KIAA1328: variants seen among roughly 807,000 people sequenced by gnomAD.
The protein encoded by KIAA1328 is protein hinderin.
A neutral mutation model predicts 68.1 loss-of-function variants in KIAA1328; 52 were observed. That is an observed-to-expected ratio of 0.76 (90% confidence interval 0.61 to 0.96). KIAA1328 has a LOEUF of 0.96. KIAA1328 is among the 40% of genes least tolerant of loss of function. The pLI is 0.00. For missense variants in KIAA1328, 641 were observed against 677.6 expected (o/e 0.95, Z 0.60); for synonymous variants, 232 against 239.4 (o/e 0.97, Z 0.28).
At chr18:37,102,746 A>G (rs1474662562) in intron 7 of KIAA1328, among the ~76,000 whole-genome samples, 1 of 152,190 alleles carries the variant, frequency 6.6e-6, no homozygotes, top group Non-Finnish European at 1.5e-5. Flanking sequence ...AAGCAAGAGA[A>G]AGAAAGAAAA....
At chr18:36,992,321 A>G (rs964782887) in intron 6 of KIAA1328, among the ~76,000 whole-genome samples, 1 of 152,138 alleles carries the variant, frequency 6.6e-6, no homozygotes, top group African/African-American at 2.4e-5. Context: ...CCTCCAAGGC[A>G]TAAAATATTC....
At chr18:37,095,651 G>A (rs184632738) in intron 7 of KIAA1328, among the ~76,000 whole-genome samples, 2 of 152,138 alleles carry the variant, frequency 1.3e-5, no homozygotes, top group Non-Finnish European at 2.9e-5. Flanking sequence ...TAATAAAGAT[G>A]ACAACAGAAC....
chr18:37,046,996 A>C (rs758235439), intron 6 of KIAA1328, among the ~76,000 whole-genome samples: 9 of 152,122 alleles, frequency 5.9e-5, no homozygotes, highest in African/African-American at 9.7e-5. Context: ...GCTGGGTGTG[A>C]TGGCACATGC....
At chr18:37,184,890 G>A (rs555083134) in intron 9 of KIAA1328, among the ~76,000 whole-genome samples, 56 of 152,244 alleles carry the variant, frequency 3.7e-4, no homozygotes, top group Middle Eastern at 3.4e-3. Context: ...TTGGCCAGGC[G>A]TGGTGGCTCA....
chr18:36,862,107 C>CATGT (rs1182985482), intron 4 of KIAA1328, among the ~76,000 whole-genome samples: 1 of 141,736 alleles, frequency 7.1e-6, no homozygotes, highest in Non-Finnish European at 1.5e-5. Context: ...AGAGAAAGCC[C>CATGT]ATGTACCTTT....
chr18:36,940,877 T>A (rs1395366826), intron 5 of KIAA1328, among the ~76,000 whole-genome samples: 2 of 152,088 alleles, frequency 1.3e-5, no homozygotes, highest in African/African-American at 4.8e-5. Context: ...GGTTTCACCA[T>A]GTTAGCCAGG....
At chr18:37,113,683 T>C (rs558077935) in intron 7 of KIAA1328, among the ~76,000 whole-genome samples, 13 of 152,164 alleles carry the variant, frequency 8.5e-5, no homozygotes, top group Non-Finnish European at 1.6e-4. Flanking sequence ...GTAAATGGGC[T>C]AAATGCTCCA....
In KIAA1328 at chr18:37,224,670, G is replaced by T; in HGVS notation, c.*2443G>T. On this transcript the variant is annotated 3_prime_UTR_variant, in exon 10 of 10. Transcript: ENST00000280020. ...AAAGCTGTTGCAGACTATCCCAAGA[G>T]AAAGGATCTGGCACAAAGGAATCTG... The T allele has an allele frequency of 1.0e-6, 1 of 985,418 alleles. No homozygotes were observed. Among genetic ancestry groups the T allele is most frequent in the Non-Finnish European group, 1.2e-6 (1 of 829,934 alleles). 61.0% of individuals were successfully genotyped at this position (985,418 alleles called of 1,614,324 possible). A position where few individuals can be genotyped will look rare whatever the true frequency, so the allele number is the denominator to read the frequency against.
intron 6 of KIAA1328, among the ~76,000 whole-genome samples, chr18:37,053,521 A>G (rs938538260): frequency 6.6e-5 from 10 of 152,342 alleles, no homozygotes; most frequent in African/African-American, 2.2e-4. Context: ...CTGCACAGCA[A>G]AAGAAACTAT....
intron 5 of KIAA1328, among the ~76,000 whole-genome samples, chr18:36,912,361 C>G (rs78378413): frequency 0.027 from 4,077 of 152,242 alleles, 79 homozygotes; most frequent in Middle Eastern, 0.054. Context: ...TCCTTGGCTC[C>G]TGGCTCTGTA....
chr18:36,934,531 A>G (rs2050430762), intron 5 of KIAA1328, among the ~76,000 whole-genome samples: 1 of 151,638 alleles, frequency 6.6e-6, no homozygotes, highest in South Asian at 2.1e-4. Flanking sequence ...TCATTGTTCA[A>G]TTCCCACCTA....
intron 6 of KIAA1328, among the ~76,000 whole-genome samples, chr18:37,056,206 A>G (rs2055900196): frequency 6.6e-6 from 1 of 152,216 alleles, no homozygotes; most frequent in African/African-American, 2.4e-5. Context: ...ATGTGTTCAT[A>G]TATGTGCTTA....
intron 7 of KIAA1328, among the ~76,000 whole-genome samples, chr18:37,109,039 T>C (rs996445917): frequency 1.3e-5 from 2 of 152,144 alleles, no homozygotes; most frequent in Non-Finnish European, 2.9e-5. Flanking sequence ...TTTGGTTTTC[T>C]GTCCTTGTGA....
At chr18:36,866,098 A>G (rs763055529) in intron 4 of KIAA1328, among the ~76,000 whole-genome samples, 3 of 152,030 alleles carry the variant, frequency 2.0e-5, no homozygotes, top group South Asian at 2.1e-4. Flanking sequence ...GCTAATCTTC[A>G]CCAGTACCCA....
chr18:37,075,706 T>C (rs1343012483), intron 7 of KIAA1328: 2 of 152,108 alleles, frequency 1.3e-5, no homozygotes, highest in South Asian at 2.1e-4. Flanking sequence ...AAACAGACTT[T>C]AAACCAACAA....
chr18:37,008,935 A>G (rs1240490115), intron 6 of KIAA1328, among the ~76,000 whole-genome samples: 1 of 152,184 alleles, frequency 6.6e-6, no homozygotes, highest in African/African-American at 2.4e-5. Context: ...TCAGAGGTCT[A>G]ACTTTTATGT....
At chr18:37,078,403 C>G (rs2056826363) in intron 7 of KIAA1328, among the ~76,000 whole-genome samples, 1 of 152,080 alleles carries the variant, frequency 6.6e-6, no homozygotes, top group South Asian at 2.1e-4. Context: ...CAATACCATT[C>G]AGGACATAGG....
At chr18:36,971,656 G>A (rs1404426784) in intron 6 of KIAA1328, among the ~76,000 whole-genome samples, 3 of 151,920 alleles carry the variant, frequency 2.0e-5, no homozygotes, top group African/African-American at 7.2e-5. Context: ...TAAAAAATGT[G>A]GTACTGTATA....
intron 4 of KIAA1328, among the ~76,000 whole-genome samples, chr18:36,881,100 A>G (rs1311364334): frequency 6.6e-6 from 1 of 151,916 alleles, no homozygotes; most frequent in African/African-American, 2.4e-5. Context: ...TCTATGAACT[A>G]AAAGTGATAA....
Sources: allele counts gnomAD v4.1 joint callset (sites outside exome capture counted in the v4.1 genomes callset), GRCh38; gene constraint gnomAD v4.1.1; transcripts MANE v1.5; gene names NCBI Gene and HGNC (gene_info 2026-07-23, HGNC 2026-07-21).